NDEL1: variants seen among roughly 807,000 people sequenced by gnomAD.
NDEL1 encodes the protein nudE neurodevelopment protein 1 like 1.
NDEL1 carries 9 observed loss-of-function variants against 45.7 expected under a neutral mutation model. That is an observed-to-expected ratio of 0.20 (90% CI 0.12 to 0.34). The LOEUF is 0.34. Ranked by LOEUF, NDEL1 falls within the 10% of genes least tolerant of loss-of-function variation. The probability of loss-of-function intolerance (pLI) is 1.00; values close to 1 mark genes in which losing one functional copy is unlikely to be tolerated. For synonymous variants in NDEL1, 133 were observed against 158.6 expected (o/e 0.84, Z 1.21); for missense variants, 306 against 406.2 (o/e 0.75, Z 2.12).
Position 8,417,803 on chromosome 17 carries a change from C to T in NDEL1, c.-13+4534C>T, listed in dbSNP as rs1040611540. On this transcript the variant is annotated intron_variant, in intron 1 of 4. Transcript: ENST00000582812. ...TTATGTAGTGACTTAACCCTGCCCT[C>T]GGATGTGTCCAGTCTCCCCAGATCT... Among the ~76,000 whole-genome samples, 8 of 152,206 alleles carry T rather than the reference C, an allele frequency of 5.3e-5. 1 individual carries two copies. Among genetic ancestry groups the T allele is most frequent in the Admixed American group, 3.9e-4 (6 of 15,282 alleles).
chr17:8,459,983 A>G (rs781613528), intron 7 of NDEL1, 26 bp from the exon 8 acceptor site: 5 of 1,596,348 alleles, frequency 3.1e-6, no homozygotes, highest in East Asian at 4.5e-5. Flanking sequence ...TTTGACAACC[A>G]TATCATTCCT....
At chr17:8,433,640 C>T (rs1012465438), upstream of NDEL1, among the ~76,000 whole-genome samples, 1 of 152,180 alleles carries the variant, frequency 6.6e-6, no homozygotes, top group African/African-American at 2.4e-5. Flanking sequence ...CCTGTTCAGA[C>T]ATGTTATAGC....
chr17:8,413,597 G>C (rs1252137710), intron 1 of NDEL1, among the ~76,000 whole-genome samples: 1 of 152,156 alleles, frequency 6.6e-6, no homozygotes, highest in African/African-American at 2.4e-5. Context: ...GAGTTCATAG[G>C]GTTCTGACAG....
intron 5 of NDEL1, among the ~76,000 whole-genome samples, chr17:8,450,067 G>A (rs564665545): frequency 5.1e-4 from 78 of 152,262 alleles, no homozygotes; most frequent in African/African-American, 1.9e-3. Flanking sequence ...TGGATCATTT[G>A]AGGTTAGGAG....
chr17:8,458,159 C>T (rs1238978151), intron 7 of NDEL1, among the ~76,000 whole-genome samples: 1 of 151,892 alleles, frequency 6.6e-6, no homozygotes, highest in Non-Finnish European at 1.5e-5. Context: ...TTGAAGCATT[C>T]AACACTGACC....
intron 1 of NDEL1, chr17:8,443,950 C>T (rs1909921754): frequency 9.9e-6 from 2 of 201,730 alleles, no homozygotes; most frequent in Admixed American, 1.2e-4. Context: ...CTTAAACCAA[C>T]TGCTGCAACT....
chr17:8,445,830 A>T lies in NDEL1; in HGVS notation c.206A>T (p.Asn69Ile). 1 of 1,560,782 alleles carries T rather than the reference A, an allele frequency of 6.4e-7. No individual in the cohort carries two copies. The highest frequency in any genetic ancestry group is 8.6e-7 in the Non-Finnish European group (1 of 1,158,696). Residue 69 changes from asparagine (N) to isoleucine (I), a missense_variant, in exon 3 of 9, where the codon AAC becomes ATC. This residue lies in a region of NDEL1 where 112 missense variants were observed against 148.3 expected (regional missense o/e 0.76). Coordinates refer to ENST00000334527, the MANE Select transcript of NDEL1 (RefSeq NM_030808.5). Reference protein sequence around the residue: ...EQRNRDLQADNQRLKYEVEAL... With the variant: ...EQRNRDLQADIQRLKYEVEAL... ...AGAAATAGAGACTTGCAGGCTGATA[A>T]CCAAAGACTGAAATATGAAGTGGAG... is the stretch of plus-strand genomic sequence containing the variant.
rs1464302834 is a variant in NDEL1, at chr17:8,467,089, C to T, written c.*66C>T. ...AACCCAGGACACCCACGCCTCACCC[C>T]TCGGTGCCTGGGCCCAGCCCCGTGC... On this transcript the variant is annotated 3_prime_UTR_variant, in exon 9 of 9. Transcript: ENST00000334527. This position sits in a 1 kb window ranked among gnomAD's most constrained non-coding sequence, Gnocchi z 6.3. The T allele has an allele frequency of 1.3e-6, 2 of 1,520,434 alleles. No homozygotes were observed. Among genetic ancestry groups the T allele is most frequent in the Non-Finnish European group, 1.8e-6 (2 of 1,100,734 alleles). The allele number at this position is 1,520,434 out of a possible 1,614,324, so 94.2% of individuals were successfully genotyped here.
At chr17:8,444,190 C>T in intron 1 of NDEL1, 70 bp from the exon 2 acceptor site, 2 of 981,196 alleles carry the variant, frequency 2.0e-6, no homozygotes, top group Non-Finnish European at 3.2e-6. Context: ...CAGTGTTGTC[C>T]CAGATTTTAT....
rs141925234 is a variant in NDEL1, at chr17:8,450,825, C to G, written c.572C>G (p.Thr191Ser). The stretch of plus-strand genomic sequence containing the variant: ...GTTCGGGAAAGACAACAGGAAGTAA[C>G]TAGAAAGTCGGCTCCTAGCTCTCCA... ...LAVRERQQEV[T>S]RKSAPSSPTL... Residue 191 changes from threonine (T) to serine (S), a missense_variant, in exon 6 of 9, where the codon ACT becomes AGT. Physicochemically the swap from Thr to Ser is moderately conservative, Grantham distance 58. Coordinates refer to ENST00000334527, the MANE Select transcript of NDEL1 (RefSeq NM_030808.5). 271 of 1,612,306 alleles carry G rather than the reference C, an allele frequency of 1.7e-4. 1 individual carries two copies. In the African/African-American group the frequency reaches 3.4e-3, roughly 20 times the overall value.
intron 7 of NDEL1, among the ~76,000 whole-genome samples, chr17:8,457,890 T>G (rs1200303625): frequency 6.6e-6 from 1 of 152,266 alleles, no homozygotes; most frequent in East Asian, 1.9e-4. Context: ...ACATTATATG[T>G]TATGTGTTAT....
upstream of NDEL1, among the ~76,000 whole-genome samples, chr17:8,432,372 T>TTATATATAAATATATATATA (rs1909037661): frequency 7.6e-6 from 1 of 131,648 alleles, no homozygotes; most frequent in Non-Finnish European, 1.6e-5. Flanking sequence ...ATATATATAT[T>TTATATATAAATATATATATA]TAATGGCAGG....
In NDEL1 at chr17:8,445,996, A is replaced by G. The variant is rs909803965; in HGVS notation, c.240+132A>G. ...AAAAACGCTTAAAGTGAATTTTTGA[A>G]TAAAATGTTTTCTTTCACGGAACCA... is the stretch of plus-strand genomic sequence containing the variant. On this transcript the variant is annotated intron_variant, in intron 3 of 8. Coordinates refer to ENST00000334527, the MANE Select transcript of NDEL1 (RefSeq NM_030808.5). 3.2e-6 allele frequency: 3 copies of G among 939,742 alleles called. No individual in the cohort carries two copies. The African/African-American group carries it at 5.2e-5, about 16-fold the overall frequency. The allele number at this position is 939,742 out of a possible 1,614,324, so 58.2% of individuals were successfully genotyped here.
chr17:8,461,535 GCCCA>G (rs1465108274), intron 8 of NDEL1, among the ~76,000 whole-genome samples: 6 of 152,282 alleles, frequency 3.9e-5, no homozygotes, highest in African/African-American at 1.4e-4. Context: ...TTGCCGCCGC[GCCCA>G]GCTGAAATCA....
At chr17:8,432,372 T>TA, upstream of NDEL1, among the ~76,000 whole-genome samples, 1 of 131,650 alleles carries the variant, frequency 7.6e-6, no homozygotes, top group Admixed American at 8.0e-5. Flanking sequence ...ATATATATAT[T>TA]TAATGGCAGG....
chr17:8,465,487 T>C lies in NDEL1; in HGVS notation c.945-1443T>C, dbSNP rs142125714. The C allele has an allele frequency of 3.3e-5, 5 of 152,340 alleles. No homozygotes were observed. The highest frequency in any genetic ancestry group is 5.9e-5 in the Non-Finnish European group (4 of 68,028). The allele number at this position is 152,340 out of a possible 1,614,324, so 9.4% of individuals were successfully genotyped here. On this transcript the variant is annotated intron_variant, in intron 8 of 8. Transcript: ENST00000334527. This position sits in a 1 kb window ranked among gnomAD's most constrained non-coding sequence, Gnocchi z 4.9. ...TGGAATTTAAACTCCACATATGTAC[T>C]CTGAGTTTAGTTTCTTTAGACATGA...
chr17:8,467,263 T>A lies in NDEL1; in HGVS notation c.*240T>A, dbSNP rs1221193979. 6 of 586,880 alleles carry A rather than the reference T, an allele frequency of 1.0e-5. No individual in the cohort carries two copies. Among genetic ancestry groups the A allele is most frequent in the Non-Finnish European group, 1.8e-5 (6 of 330,084 alleles). 36.4% of individuals were successfully genotyped at this position (586,880 alleles called of 1,614,324 possible). Reference sequence around the variant, plus strand: ...TGCCGTTGGTTTCACATGATTGCACTTTTGTGGGTCGCAAGGTGATACATA... The same window carrying A: ...TGCCGTTGGTTTCACATGATTGCACATTTGTGGGTCGCAAGGTGATACATA... On this transcript the variant is annotated 3_prime_UTR_variant, in exon 9 of 9. Transcript: ENST00000334527. The surrounding 1 kb of genome is among the most constrained non-coding windows in gnomAD (Gnocchi z 6.3).
intron 1 of NDEL1, among the ~76,000 whole-genome samples, chr17:8,414,526 G>C (rs902731534): frequency 4.6e-5 from 7 of 152,142 alleles, no homozygotes; most frequent in Non-Finnish European, 8.8e-5. Context: ...AATTAGCCGG[G>C]CGTGGTGTTG....
At chr17:8,447,390 AC>A (rs1161545945) in intron 4 of NDEL1, among the ~76,000 whole-genome samples, 1 of 152,052 alleles carries the variant, frequency 6.6e-6, no homozygotes, top group East Asian at 1.9e-4. Flanking sequence ...TGATCTGCCC[AC>A]CTTGGCCTCC....
Sources: allele counts gnomAD v4.1 joint callset (sites outside exome capture counted in the v4.1 genomes callset), GRCh38; gene constraint gnomAD v4.1.1; regional missense constraint gnomAD v4.1.1; non-coding constraint Gnocchi (gnomAD v3.1); transcripts MANE v1.5; gene names NCBI Gene and HGNC (gene_info 2026-07-23, HGNC 2026-07-21).